The following ZNF155 variants were observed in gnomAD, a reference collection of about 807,000 sequenced individuals.
ZNF155 encodes the protein KRAB A domain.
A neutral mutation model predicts 11.9 loss-of-function variants in ZNF155; 15 were observed. The ratio of observed to expected loss-of-function variants is 1.26; its 90% confidence interval spans 0.84 to 1.94. The LOEUF (loss-of-function observed/expected upper bound fraction) is 1.94. Ranked by LOEUF, ZNF155 falls within the 30% of genes most tolerant of loss-of-function variation. ZNF155 has a pLI of 0.00. For synonymous variants in ZNF155, 212 were observed against 219.9 expected (o/e 0.96, Z 0.32); for missense variants, 602 against 639.1 (o/e 0.94, Z 0.63).
chr19:43,996,523 T>C lies in ZNF155; in HGVS notation c.666T>C (p.His222=). Reference sequence around the variant, plus strand: ...GTCAAAGCTCACATCTGCAAACTCATCAGAGAGTCCACACTGGAGAGAAAC... The same window carrying C: ...GTCAAAGCTCACATCTGCAAACTCACCAGAGAGTCCACACTGGAGAGAAAC... The part of the protein sequence containing the change: ...EFSQSSHLQT[H]QRVHTGEKPF... Residue 222 remains histidine, a synonymous_variant, in exon 5 of 5, where the codon CAT becomes CAC. Coordinates refer to ENST00000270014, the MANE Select transcript of ZNF155 (RefSeq NM_198089.3). 1 of 1,614,194 alleles carries C rather than the reference T, an allele frequency of 6.2e-7. No homozygotes were observed. The highest frequency in any genetic ancestry group is 1.1e-5 in the South Asian group (1 of 91,090).
chr19:43,988,718 G>T, intron 2 of ZNF155, 160 bp downstream of exon 2: 2 of 659,148 alleles, frequency 3.0e-6, no homozygotes, highest in Non-Finnish European at 4.5e-6. Context: ...ACTGCATTTG[G>T]TTTTTGGTTT....
chr19:43,985,320 C>G (rs928149230), intron 1 of ZNF155, among the ~76,000 whole-genome samples: 6 of 152,024 alleles, frequency 3.9e-5, no homozygotes, highest in Non-Finnish European at 7.4e-5. Flanking sequence ...CTCGGCCTCC[C>G]AAAGTGCTGG....
intron 2 of ZNF155, among the ~76,000 whole-genome samples, chr19:43,991,027 C>T (rs1409508537): frequency 6.6e-6 from 1 of 152,172 alleles, no homozygotes; most frequent in African/African-American, 2.4e-5. Flanking sequence ...AGGAACATTG[C>T]ATTGCTAGCA....
At chr19:43,985,353 G>A (rs1272002669) in intron 1 of ZNF155, among the ~76,000 whole-genome samples, 1 of 151,968 alleles carries the variant, frequency 6.6e-6, no homozygotes, top group Non-Finnish European at 1.5e-5. Flanking sequence ...GAGCCACCGC[G>A]CCGGGCCGGT....
chr19:43,989,489 G>A (rs1975580455), intron 2 of ZNF155, among the ~76,000 whole-genome samples: 1 of 152,182 alleles, frequency 6.6e-6, no homozygotes, highest in Admixed American at 6.5e-5. Flanking sequence ...GGTGTACACA[G>A]GCAACCAAAG....
In ZNF155 at chr19:43,998,244, C is replaced by T. The variant is rs1975983960; in HGVS notation, c.*770C>T. 6.6e-6 allele frequency: 1 copy of T among 152,172 alleles called. No homozygotes were observed. The allele number at this position is 152,172 out of a possible 1,614,324, so 9.4% of individuals were successfully genotyped here. ...CCATAAAAACCCCGGACCCCAGCCTCATACTGGGCAACTTATTTGGATCCC... is the reference window on the plus strand; with the variant it reads ...CCATAAAAACCCCGGACCCCAGCCTTATACTGGGCAACTTATTTGGATCCC... On this transcript the variant is annotated 3_prime_UTR_variant, in exon 5 of 5. Coordinates refer to ENST00000270014, the MANE Select transcript of ZNF155 (RefSeq NM_198089.3).
chr19:43,997,138 A>G lies in ZNF155; in HGVS notation c.1281A>G (p.Pro427=). ...SHQRSHSGEK[P]YKCEECGKGY... ...AGAGATCCCACAGTGGTGAAAAGCC[A>G]TATAAATGTGAGGAGTGTGGGAAGG... is the stretch of plus-strand genomic sequence containing the variant. The change falls in exon 5 of 5, where the codon CCA becomes CCG. Residue 427 remains proline, a synonymous_variant. Coordinates refer to ENST00000270014, the MANE Select transcript of ZNF155 (RefSeq NM_198089.3). The G allele has an allele frequency of 1.2e-6, 2 of 1,614,224 alleles. No individual in the cohort carries two copies. The highest frequency in any genetic ancestry group is 2.7e-5 in the African/African-American group (2 of 75,050).
intron 4 of ZNF155, among the ~76,000 whole-genome samples, chr19:43,995,020 A>G (rs1568490217): frequency 6.6e-6 from 1 of 150,694 alleles, no homozygotes; most frequent in Non-Finnish European, 1.5e-5. Context: ...CAACCAAGAC[A>G]CTCTCCTGAG....
intron 4 of ZNF155, among the ~76,000 whole-genome samples, chr19:43,995,633 A>G (rs573303184): frequency 6.6e-6 from 1 of 152,184 alleles, no homozygotes; most frequent in South Asian, 2.1e-4. Flanking sequence ...ATCAATCCCA[A>G]AGTGCTGGGA....
Position 43,996,395 on chromosome 19 carries a change from G to T in ZNF155, c.538G>T (p.Glu180Ter), listed in dbSNP as rs765286959. 1 of 1,614,200 alleles carries T rather than the reference G, an allele frequency of 6.2e-7. No homozygotes were observed. The highest frequency in any genetic ancestry group is 1.7e-5 in the Admixed American group (1 of 60,036). The change falls in exon 5 of 5, where the codon GAG becomes TAG. Residue 180 changes from glutamate (E) to a stop codon, truncating the protein, a stop_gained. Coordinates refer to ENST00000270014, the MANE Select transcript of ZNF155 (RefSeq NM_198089.3). LOFTEE classifies it low-confidence loss of function (END_TRUNC). ...YSEEKSYTCD[E>*]CGKSICYISA... ...AGAAGAGAAGTCTTATACATGTGATGAGTGTGGAAAAAGCATCTGTTACAT... is the reference window on the plus strand; with the variant it reads ...AGAAGAGAAGTCTTATACATGTGATTAGTGTGGAAAAAGCATCTGTTACAT...
chr19:43,991,100 T>C (rs1306094610), intron 2 of ZNF155, among the ~76,000 whole-genome samples: 1 of 152,134 alleles, frequency 6.6e-6, no homozygotes, highest in Admixed American at 6.5e-5. Flanking sequence ...ACCCTGAAAA[T>C]TACCCACAGT....
rs746076208 is a variant in ZNF155, at chr19:43,996,577, T to C, written c.720T>C (p.Gly240=). The change falls in exon 5 of 5, where the codon GGT becomes GGC. Residue 240 remains glycine (G), a synonymous_variant. Transcript: ENST00000270014. ...TCAAATGTGAGCAATGTGGGAAAGG[T>C]TTCAGTCGTAGATCAGCACTTAATG... ...KPFKCEQCGK[G]FSRRSALNVH... is the part of the protein sequence containing the mutation. 3 of 1,612,168 alleles carry C rather than the reference T, an allele frequency of 1.9e-6. No homozygotes were observed. Among genetic ancestry groups the C allele is most frequent in the South Asian group, 2.2e-5 (2 of 90,970 alleles).
Position 43,991,924 on chromosome 19 carries a change from A to G in ZNF155, c.225A>G (p.Glu75=). ...TGATGGGGACAGCAACCCAAAGAGA[A>G]GGGAATTCAGGTAAGAACTAAGCAT... The part of the protein sequence containing the change: ...FWMMGTATQR[E]GNSGGKIQTE... Residue 75 remains glutamate, a synonymous_variant, in exon 4 of 5, where the codon GAA becomes GAG. Coordinates refer to ENST00000270014, the MANE Select transcript of ZNF155 (RefSeq NM_198089.3). 6.2e-7 allele frequency: 1 copy of G among 1,613,338 alleles called. No individual in the cohort carries two copies. The highest frequency in any genetic ancestry group is 8.5e-7 in the Non-Finnish European group (1 of 1,179,534).
chr19:43,996,928 AG>A lies in ZNF155; in HGVS notation c.1072del (p.Asp358IlefsTer31), dbSNP rs761396408. The A allele has an allele frequency of 6.2e-7, 1 of 1,610,070 alleles. No homozygotes were observed. The highest frequency in any genetic ancestry group is 1.7e-5 in the Admixed American group (1 of 59,818). The part of the protein sequence containing the change: ...QCGKGFIGRL[D>X]FYKHQVVHTG... ...GTGGAAAAGGCTTTATTGGTAGGCT[AG>A]ATTTTTATAAGCATCAGGTGGTCCA... On this transcript the variant is annotated frameshift_variant, in exon 5 of 5. Coordinates refer to ENST00000270014, the MANE Select transcript of ZNF155 (RefSeq NM_198089.3). LOFTEE classifies it low-confidence loss of function (END_TRUNC).
chr19:43,986,200 G>A (rs931951894), intron 1 of ZNF155, among the ~76,000 whole-genome samples: 14 of 152,152 alleles, frequency 9.2e-5, no homozygotes, highest in Non-Finnish European at 1.6e-4. Flanking sequence ...AATTACCCAT[G>A]AATCCAAGAT....
intron 1 of ZNF155, among the ~76,000 whole-genome samples, chr19:43,986,666 G>A (rs1417282129): frequency 4.6e-5 from 7 of 151,990 alleles, no homozygotes; most frequent in African/African-American, 1.7e-4. Flanking sequence ...AGCCAGGATG[G>A]TCTCGATCTC....
chr19:43,985,318 C>G (rs560871591), intron 1 of ZNF155, among the ~76,000 whole-genome samples: 4 of 152,050 alleles, frequency 2.6e-5, no homozygotes, highest in Non-Finnish European at 5.9e-5. Flanking sequence ...GCCTCGGCCT[C>G]CCAAAGTGCT....
At chr19:43,990,142 A>G in intron 2 of ZNF155, 1 of 1,331,350 alleles carries the variant, frequency 7.5e-7, no homozygotes, top group Non-Finnish European at 1.0e-6. Context: ...GAAAGCATGC[A>G]GTTATATGAT....
Position 43,996,708 on chromosome 19 carries a change from G to A in ZNF155, c.851G>A (p.Gly284Glu), listed in dbSNP as rs765836723. The A allele has an allele frequency of 2.5e-6, 4 of 1,613,972 alleles. No homozygotes were observed. The highest frequency in any genetic ancestry group is 1.1e-5 in the South Asian group (1 of 91,086). ...QLKEHKRIHT[G>E]EKPFKCDICG... is the part of the protein sequence containing the mutation. ...AAGGAACATAAGAGAATCCATACTG[G>A]GGAGAAACCATTCAAATGTGATATA... The change falls in exon 5 of 5, where the codon GGG becomes GAG. Residue 284 changes from glycine to glutamate, a missense_variant. Physicochemically the swap from Gly to Glu is moderately conservative, Grantham distance 98. Coordinates refer to ENST00000270014, the MANE Select transcript of ZNF155 (RefSeq NM_198089.3).
Sources: allele counts gnomAD v4.1 joint callset (sites outside exome capture counted in the v4.1 genomes callset), GRCh38; gene constraint gnomAD v4.1.1; transcripts MANE v1.5; gene names NCBI Gene and HGNC (gene_info 2026-07-23, HGNC 2026-07-21).